The following RGS6 variants were observed in gnomAD, a reference collection of about 807,000 sequenced individuals.
RGS6 encodes regulator of G-protein signaling 6.
In RGS6, 30 loss-of-function variants were observed where a neutral mutation model predicts 78.5. The ratio of observed to expected loss-of-function variants is 0.38; its 90% confidence interval spans 0.29 to 0.52. The LOEUF (loss-of-function observed/expected upper bound fraction) is 0.52, where lower values mean the gene tolerates loss of function less well. Among genes scored for constraint, RGS6 ranks in the 20% least tolerant of loss-of-function variants. The probability of loss-of-function intolerance (pLI) is 0.85; values close to 1 mark genes in which losing one functional copy is unlikely to be tolerated. For synonymous variants in RGS6, 206 were observed against 206.0 expected (o/e 1.00, Z 0.00); for missense variants, 495 against 609.7 (o/e 0.81, Z 1.98).
At chr14:72,324,385 C>A (rs2073099629) in intron 2 of RGS6, among the ~76,000 whole-genome samples, 2 of 151,566 alleles carry the variant, frequency 1.3e-5, no homozygotes, top group South Asian at 4.2e-4. Context: ...AATTTAAGTT[C>A]TAGGGTACAT....
intron 3 of RGS6, among the ~76,000 whole-genome samples, chr14:72,438,864 C>T (rs1351638212): frequency 6.6e-6 from 1 of 152,238 alleles, no homozygotes; most frequent in Non-Finnish European, 1.5e-5. Flanking sequence ...CTGACACAGC[C>T]CCTGCCTTCC....
chr14:72,369,570 T>C (rs2152828576), intron 3 of RGS6, among the ~76,000 whole-genome samples: 1 of 152,238 alleles, frequency 6.6e-6, no homozygotes, highest in East Asian at 1.9e-4. Flanking sequence ...AGAAAAATTG[T>C]GATTCATTAA....
At chr14:72,593,081 G>A in the RGS6 span, among the ~76,000 whole-genome samples, 1 of 152,108 alleles carries the variant, frequency 6.6e-6, no homozygotes, top group African/African-American at 2.4e-5. Context: ...GGGCATGCTG[G>A]AGGAGTGGCC....
intron 2 of RGS6, among the ~76,000 whole-genome samples, chr14:72,057,176 TG>T (rs2093656615): frequency 1.3e-5 from 2 of 151,636 alleles, no homozygotes; most frequent in Non-Finnish European, 2.9e-5. Context: ...TAGCTGGGTG[TG>T]GTGGCAGGTG....
At chr14:72,025,711 T>C (rs2089710766) in intron 2 of RGS6, among the ~76,000 whole-genome samples, 1 of 152,202 alleles carries the variant, frequency 6.6e-6, no homozygotes, top group Non-Finnish European at 1.5e-5. Flanking sequence ...GACACTTACA[T>C]GTTAGGAACT....
intron 2 of RGS6, among the ~76,000 whole-genome samples, chr14:72,101,870 T>C (rs560785963): frequency 2.0e-4 from 31 of 152,330 alleles, no homozygotes; most frequent in African/African-American, 7.5e-4. Context: ...GACTAGGACA[T>C]TCTCTGATCC....
At chr14:72,071,939 AT>A (rs1387011675) in intron 2 of RGS6, among the ~76,000 whole-genome samples, 2 of 152,234 alleles carry the variant, frequency 1.3e-5, no homozygotes, top group Non-Finnish European at 2.9e-5. Flanking sequence ...GGAATTGCAG[AT>A]TTATTGTTCT....
chr14:72,388,953 TTAG>T (rs34503088), intron 3 of RGS6, among the ~76,000 whole-genome samples: 1 of 151,916 alleles, frequency 6.6e-6, no homozygotes, highest in Non-Finnish European at 1.5e-5. Flanking sequence ...ATTCCCATTA[TTAG>T]TAGTAGTAGT....
intron 2 of RGS6, among the ~76,000 whole-genome samples, chr14:72,072,247 C>A (rs538043441): frequency 3.0e-4 from 46 of 152,104 alleles, no homozygotes; most frequent in African/African-American, 1.1e-3. Flanking sequence ...TAATCTAAAA[C>A]CCTCATTTTA....
intron 2 of RGS6, among the ~76,000 whole-genome samples, chr14:72,115,258 G>A (rs2095860589): frequency 6.6e-6 from 1 of 152,168 alleles, no homozygotes; most frequent in Admixed American, 6.5e-5. Context: ...GACTTACGCA[G>A]CTGTGGGCTC....
chr14:72,325,430 T>C (rs955533503), intron 2 of RGS6, among the ~76,000 whole-genome samples: 1 of 152,192 alleles, frequency 6.6e-6, no homozygotes, highest in East Asian at 1.9e-4. Context: ...TCCTTGCCCA[T>C]GCCTATGTCC....
intron 2 of RGS6, chr14:72,022,626 A>T (rs11628898): frequency 6.6e-6 from 1 of 152,134 alleles, no homozygotes; most frequent in South Asian, 2.1e-4. Flanking sequence ...GTCCAATGGA[A>T]TCCACAGGCT....
chr14:72,344,659 C>G (rs780592097), intron 2 of RGS6, among the ~76,000 whole-genome samples: 1 of 152,138 alleles, frequency 6.6e-6, no homozygotes, highest in Non-Finnish European at 1.5e-5. Context: ...TACTGAGTAC[C>G]TATTAGGATT....
chr14:72,092,679 G>A (rs960964869), intron 2 of RGS6, among the ~76,000 whole-genome samples: 1 of 152,182 alleles, frequency 6.6e-6, no homozygotes, highest in Non-Finnish European at 1.5e-5. Flanking sequence ...ATTGCGCCTG[G>A]CCTCAGCTCC....
chr14:71,934,163 G>A lies in RGS6; in HGVS notation c.-21+1222G>A, dbSNP rs76101180. Among the ~76,000 whole-genome samples, 1,092 of 152,278 alleles carry A rather than the reference G, an allele frequency of 7.2e-3. 19 individuals carry two copies. The highest frequency in any genetic ancestry group is 0.025 in the African/African-American group (1,040 of 41,562). On this transcript the variant is annotated intron_variant, in intron 1 of 17. Transcript: ENST00000553525. Reference sequence around the variant, plus strand: ...AAAGTAGAGGGCTGAGGGACATTTGGTGAGACTCTTGAGAGAGAAACCTTT... The same window carrying A: ...AAAGTAGAGGGCTGAGGGACATTTGATGAGACTCTTGAGAGAGAAACCTTT...
chr14:72,065,715 A>C (rs2094112264), intron 2 of RGS6, among the ~76,000 whole-genome samples: 1 of 152,184 alleles, frequency 6.6e-6, no homozygotes, highest in South Asian at 2.1e-4. Flanking sequence ...AAAGAGTGGA[A>C]GTCATTTGTA....
At chr14:72,314,919 C>T (rs1186386113) in intron 2 of RGS6, among the ~76,000 whole-genome samples, 1 of 152,202 alleles carries the variant, frequency 6.6e-6, no homozygotes, top group African/African-American at 2.4e-5. Flanking sequence ...GTAGAACTCA[C>T]TGTAGCGCAT....
chr14:72,552,996 T>TGTAA (rs2097527658), intron 17 of RGS6, among the ~76,000 whole-genome samples: 1 of 152,226 alleles, frequency 6.6e-6, no homozygotes, highest in African/African-American at 2.4e-5. Context: ...GAGATGCTTC[T>TGTAA]GTAAGTGCCT....
intron 3 of RGS6, among the ~76,000 whole-genome samples, chr14:72,448,672 T>G: frequency 6.6e-6 from 1 of 152,336 alleles, no homozygotes; most frequent in African/African-American, 2.4e-5. Flanking sequence ...GTTCAACAGC[T>G]AATAATAGTA....
Sources: allele counts gnomAD v4.1 joint callset (sites outside exome capture counted in the v4.1 genomes callset), GRCh38; gene constraint gnomAD v4.1.1; transcripts MANE v1.5; gene names NCBI Gene and HGNC (gene_info 2026-07-23, HGNC 2026-07-21).